The following AOAH variants were observed in gnomAD, a reference collection of about 807,000 sequenced individuals.
AOAH encodes acyloxyacyl hydrolase (neutrophil).
AOAH carries 64 observed loss-of-function variants against 92.2 expected under a neutral mutation model. The observed-to-expected ratio is 0.69, with a 90% CI of 0.57 to 0.86. The LOEUF (loss-of-function observed/expected upper bound fraction) is 0.86. Among genes scored for constraint, AOAH ranks in the 40% least tolerant of loss-of-function variants. The pLI, the probability that AOAH is intolerant of heterozygous loss-of-function variation, is 0.00. For synonymous variants in AOAH, 263 were observed against 254.5 expected, an observed-to-expected ratio of 1.03 and a Z score of -0.32; for missense variants, 656 against 694.6, an observed-to-expected ratio of 0.94 and a Z score of 0.62.
intron 4 of AOAH, among the ~76,000 whole-genome samples, chr7:36,649,808 C>T (rs181180790): frequency 6.6e-6 from 1 of 152,356 alleles, no homozygotes; most frequent in Admixed American, 6.5e-5. Flanking sequence ...TAACTTCCAT[C>T]TCTTCAGATC....
In AOAH at chr7:36,549,469, G is replaced by T; in HGVS notation, c.1028C>A (p.Ser343Tyr). The part of the protein sequence containing the change: ...DYQNISRNGA[S>Y]SRNLKKFIES... The stretch of plus-strand genomic sequence containing the variant: ...TATAAATTTCTTCAGGTTTCGGGAA[G>T]ATGCACCTGAATAATTAAAATTAAG... Residue 343 changes from serine (S) to tyrosine (Y), a missense_variant, in exon 14 of 21, where the codon TCT (serine) becomes TAT (tyrosine). Coordinates refer to ENST00000617537, the MANE Select transcript of AOAH (RefSeq NM_001637.4). 1 of 1,591,182 alleles carries T rather than the reference G, an allele frequency of 6.3e-7. No homozygotes were observed. Among genetic ancestry groups the T allele is most frequent in the Non-Finnish European group, 8.6e-7 (1 of 1,164,682 alleles).
intron 11 of AOAH, among the ~76,000 whole-genome samples, chr7:36,609,689 A>AGC (rs1439373622): frequency 6.6e-6 from 1 of 151,760 alleles, no homozygotes; most frequent in Non-Finnish European, 1.5e-5. Context: ...TTTGCGGGGG[A>AGC]GCGTGTGCAC....
At chr7:36,568,901 G>A (rs1408183674) in intron 13 of AOAH, among the ~76,000 whole-genome samples, 3 of 152,182 alleles carry the variant, frequency 2.0e-5, no homozygotes, top group Admixed American at 2.0e-4. Context: ...CAAGCAAGAT[G>A]AGGTTTTTTC....
chr7:36,701,425 C>T (rs557857838), intron 1 of AOAH, among the ~76,000 whole-genome samples: 8 of 150,984 alleles, frequency 5.3e-5, no homozygotes, highest in African/African-American at 1.9e-4. Flanking sequence ...TCAACTCTTT[C>T]AGTATTTGGG....
At chr7:36,684,574 A>G (rs1584110703) in intron 2 of AOAH, among the ~76,000 whole-genome samples, 2 of 152,098 alleles carry the variant, frequency 1.3e-5, no homozygotes, top group South Asian at 2.1e-4. Flanking sequence ...TTAAAACCCA[A>G]ATAAATTAAT....
chr7:36,556,506 G>C (rs1786725870), intron 13 of AOAH, among the ~76,000 whole-genome samples: 1 of 151,606 alleles, frequency 6.6e-6, no homozygotes, highest in Admixed American at 6.6e-5. Context: ...AGGTCCACTT[G>C]GTGCAGAGCT....
chr7:36,582,272 A>T (rs1235559138), intron 12 of AOAH, among the ~76,000 whole-genome samples: 1 of 152,124 alleles, frequency 6.6e-6, no homozygotes, highest in South Asian at 2.1e-4. Context: ...TGGGCTTGTA[A>T]GTTGAGGGAT....
chr7:36,685,130 T>C (rs2116762266), intron 2 of AOAH, among the ~76,000 whole-genome samples: 1 of 152,026 alleles, frequency 6.6e-6, no homozygotes, highest in Non-Finnish European at 1.5e-5. Context: ...CATACTCAAT[T>C]ATACTAAAGG....
chr7:36,689,083 A>G (rs1797228915), intron 1 of AOAH, among the ~76,000 whole-genome samples: 1 of 152,152 alleles, frequency 6.6e-6, no homozygotes, highest in African/African-American at 2.4e-5. Context: ...GCTCCCTAGC[A>G]AAGGGCTAAT....
intron 1 of AOAH, among the ~76,000 whole-genome samples, chr7:36,719,201 C>T (rs576075079): frequency 3.0e-4 from 45 of 152,250 alleles, no homozygotes; most frequent in African/African-American, 1.1e-3. Flanking sequence ...GATGGCTTAT[C>T]ATACAGTCAG....
In AOAH at chr7:36,522,044, TG is replaced by T; in HGVS notation, c.1593del (p.Asn532ThrfsTer118). On this transcript the variant is annotated frameshift_variant, in exon 20 of 21. Transcript: ENST00000617537. LOFTEE classifies it high-confidence loss of function. Reference sequence around the variant, plus strand: ...CACCATGTGACTGTGCTTACCTCGTTGGGGTGGAATCCATCCACGGGCTCGA... The same window carrying T: ...CACCATGTGACTGTGCTTACCTCGTTGGGTGGAATCCATCCACGGGCTCGA... The part of the protein sequence containing the change: ...QLIEPVDGFH[P>X]NEVALLLLAD... 1 of 1,614,092 alleles carries T rather than the reference TG, an allele frequency of 6.2e-7. No individual in the cohort carries two copies. Among genetic ancestry groups the T allele is most frequent in the Non-Finnish European group, 8.5e-7 (1 of 1,179,924 alleles).
chr7:36,624,601 T>C (rs372891340), intron 6 of AOAH, among the ~76,000 whole-genome samples: 1 of 152,260 alleles, frequency 6.6e-6, no homozygotes, highest in African/African-American at 2.4e-5. Flanking sequence ...CCTTGGGAAC[T>C]GGAGCTGGCA....
At chr7:36,694,893 A>G (rs571526412) in intron 1 of AOAH, among the ~76,000 whole-genome samples, 1 of 152,324 alleles carries the variant, frequency 6.6e-6, no homozygotes, top group South Asian at 2.1e-4. Flanking sequence ...AAGAGGATAG[A>G]CAGATGATGG....
At chr7:36,629,186 A>G (rs1268000583) in intron 6 of AOAH, among the ~76,000 whole-genome samples, 1 of 152,236 alleles carries the variant, frequency 6.6e-6, no homozygotes, top group Non-Finnish European at 1.5e-5. Flanking sequence ...CCTGCTGCAT[A>G]TGACACTTGA....
chr7:36,685,112 C>T (rs1796918006), intron 2 of AOAH, among the ~76,000 whole-genome samples: 1 of 151,704 alleles, frequency 6.6e-6, no homozygotes, highest in Non-Finnish European at 1.5e-5. Context: ...ATACAGAGCA[C>T]AGAGAAACAT....
At chr7:36,677,327 C>T (rs1356712648) in intron 2 of AOAH, among the ~76,000 whole-genome samples, 3 of 152,282 alleles carry the variant, frequency 2.0e-5, no homozygotes, top group East Asian at 1.9e-4. Context: ...CCAAAAGCCA[C>T]ATGAAAAGAT....
Position 36,594,412 on chromosome 7 carries a change from G to A in AOAH, c.865C>T (p.Pro289Ser), listed in dbSNP as rs771313575. Reference protein sequence around the residue: ...QMSLNSFINLPTALTNELDWP... With the variant: ...QMSLNSFINLSTALTNELDWP... Reference sequence around the variant, plus strand: ...TCAAGCTCGTTGGTAAGGGCTGTTGGTAGATTGATGAAAGAGTTCTAAGGA... The same window carrying A: ...TCAAGCTCGTTGGTAAGGGCTGTTGATAGATTGATGAAAGAGTTCTAAGGA... Residue 289 changes from proline to serine, a missense_variant, in exon 12 of 21, where the codon CCA (proline) becomes TCA (serine). Pro to Ser is a moderately conservative substitution (Grantham distance 74). Coordinates refer to ENST00000617537, the MANE Select transcript of AOAH (RefSeq NM_001637.4). 2 of 1,613,798 alleles carry A rather than the reference G, an allele frequency of 1.2e-6. No individual in the cohort carries two copies. Among genetic ancestry groups the A allele is most frequent in the Admixed American group, 3.3e-5 (2 of 60,018 alleles).
At chr7:36,579,497 C>T (rs1562588402) in intron 12 of AOAH, among the ~76,000 whole-genome samples, 1 of 151,952 alleles carries the variant, frequency 6.6e-6, no homozygotes, top group Non-Finnish European at 1.5e-5. Flanking sequence ...TCTAGAGGGA[C>T]AGAACTAATG....
chr7:36,565,228 C>T (rs1787603219), intron 13 of AOAH, among the ~76,000 whole-genome samples: 1 of 152,060 alleles, frequency 6.6e-6, no homozygotes, highest in Non-Finnish European at 1.5e-5. Flanking sequence ...TTGCTGTCAC[C>T]ACTCTGTATC....
Sources: gnomAD v4.1 joint callset for allele counts (sites outside exome capture counted in the v4.1 genomes callset) on GRCh38, gnomAD v4.1.1 for gene constraint, MANE v1.5 for transcripts, NCBI Gene and HGNC (gene_info 2026-07-23, HGNC 2026-07-21) for gene names.